The following SLC4A4 variants were observed in gnomAD, a reference collection of about 807,000 sequenced individuals.
SLC4A4 encodes electrogenic sodium bicarbonate cotransporter 1.
SLC4A4 carries 27 observed loss-of-function variants against 111.5 expected under a neutral mutation model. The ratio of observed to expected loss-of-function variants is 0.24; its 90% CI spans 0.18 to 0.33. The LOEUF (loss-of-function observed/expected upper bound fraction) is 0.33. Ranked by LOEUF, SLC4A4 falls within the 10% of genes least tolerant of loss-of-function variation. The pLI, the probability that SLC4A4 is intolerant of heterozygous loss-of-function variation, is 1.00. For missense variants in SLC4A4, 909 were observed against 1,315.5 expected, an observed-to-expected ratio of 0.69 and a Z score of 4.78; for synonymous variants, 443 against 463.4, an observed-to-expected ratio of 0.96 and a Z score of 0.57.
intron 3 of SLC4A4, among the ~76,000 whole-genome samples, chr4:71,257,590 A>G (rs1260638757): frequency 6.6e-6 from 1 of 152,196 alleles, no homozygotes; most frequent in Non-Finnish European, 1.5e-5. Context: ...ACATGATGAC[A>G]AAATTGTTGT....
At chr4:71,185,028 A>G (rs1280129449), upstream of SLC4A4, among the ~76,000 whole-genome samples, 4 of 152,176 alleles carry the variant, frequency 2.6e-5, no homozygotes, top group Non-Finnish European at 5.9e-5. Context: ...CCCACCCCAC[A>G]AACCAACTTT....
chr4:71,267,791 C>CAAAAAAAAAAAAAAAAAAAAAAAAA (rs71212002), intron 3 of SLC4A4, among the ~76,000 whole-genome samples: 2 of 62,360 alleles, frequency 3.2e-5, no homozygotes, highest in Non-Finnish European at 2.5e-5. Context: ...GAGAGTCTGC[C>CAAAAAAAAAAAAAAAAAAAAAAAAA]AAAAAAAAAA....
At chr4:71,096,157 C>T (rs977890606) in intron 2 of SLC4A4, among the ~76,000 whole-genome samples, 2 of 151,938 alleles carry the variant, frequency 1.3e-5, no homozygotes, top group East Asian at 1.9e-4. Flanking sequence ...GGAAGTATGC[C>T]TCTGGAAATG....
At position 71,331,925 on chromosome 4, in the gene SLC4A4, G is replaced by A. The variant is rs536748775; in HGVS notation, c.254-7445G>A. Among the ~76,000 whole-genome samples, 4 of 152,230 alleles carry A rather than the reference G, an allele frequency of 2.6e-5. No homozygotes were observed. The South Asian group carries it at 8.3e-4, about 32-fold the overall frequency. ...ATCTTGGTAAGTTGAATGTGTCTAA[G>A]ATTTGTCCATTTCTTCTAAGTTTCT... On this transcript the variant is annotated intron_variant, in intron 3 of 25. Transcript: ENST00000264485.
chr4:71,337,278 C>T (rs1448057856), intron 3 of SLC4A4, among the ~76,000 whole-genome samples: 1 of 152,120 alleles, frequency 6.6e-6, no homozygotes, highest in African/African-American at 2.4e-5. Context: ...ACATATCAGA[C>T]TGAGCACCGT....
chr4:71,225,750 T>C (rs1719008703), intron 1 of SLC4A4, among the ~76,000 whole-genome samples: 1 of 152,168 alleles, frequency 6.6e-6, no homozygotes. Context: ...CAGCCCTGTG[T>C]CCTGGAACAA....
intron 2 of SLC4A4, among the ~76,000 whole-genome samples, chr4:71,164,943 T>C (rs7658504): frequency 0.046 from 6,926 of 152,000 alleles, 198 homozygotes; most frequent in East Asian, 0.09. Flanking sequence ...CCAACAAATA[T>C]ATGAAAAAAA....
intron 6 of SLC4A4, among the ~76,000 whole-genome samples, chr4:71,396,937 G>C (rs965476252): frequency 2.6e-5 from 4 of 152,144 alleles, no homozygotes; most frequent in Admixed American, 2.0e-4. Context: ...ATTTTATTCT[G>C]GCAAATGGGA....
chr4:71,067,265 T>C (rs1277303128), intron 1 of SLC4A4, among the ~76,000 whole-genome samples: 1 of 152,220 alleles, frequency 6.6e-6, no homozygotes, highest in Non-Finnish European at 1.5e-5. Flanking sequence ...AAAGAGTTTT[T>C]TTTTTTAATT....
At chr4:71,094,018 T>TA (rs33919955) in intron 2 of SLC4A4, among the ~76,000 whole-genome samples, 108 of 148,764 alleles carry the variant, frequency 7.3e-4, no homozygotes, top group Non-Finnish European at 1.1e-3. Context: ...GCCAGACTGT[T>TA]AAAAAAAAAA....
At chr4:71,132,269 C>G (rs1370008906) in intron 2 of SLC4A4, among the ~76,000 whole-genome samples, 2 of 152,024 alleles carry the variant, frequency 1.3e-5, no homozygotes, top group South Asian at 4.1e-4. Flanking sequence ...GAAATGTAAG[C>G]TATTATTAAT....
intron 1 of SLC4A4, among the ~76,000 whole-genome samples, chr4:71,074,764 T>C (rs1483362091): frequency 3.9e-5 from 6 of 152,202 alleles, no homozygotes; most frequent in Admixed American, 2.0e-4. Flanking sequence ...TTTGTGCAAC[T>C]GTGTGCAAAT....
intron 15 of SLC4A4, among the ~76,000 whole-genome samples, chr4:71,488,631 T>A (rs778816113): frequency 2.0e-5 from 3 of 151,730 alleles, no homozygotes; most frequent in Non-Finnish European, 4.4e-5. Context: ...TAAATCACCT[T>A]TCTTGCTTTA....
chr4:71,567,208 T>G, intron 25 of SLC4A4, 125 bp downstream of exon 25: 1 of 784,748 alleles, frequency 1.3e-6, no homozygotes, highest in Non-Finnish European at 2.0e-6. Flanking sequence ...CTTAAATAAA[T>G]TACCCAGTGA....
intron 2 of SLC4A4, among the ~76,000 whole-genome samples, chr4:71,121,752 C>G (rs1743434632): frequency 6.6e-6 from 1 of 152,152 alleles, no homozygotes; most frequent in Admixed American, 6.5e-5. Context: ...GCAGGCTGCC[C>G]CAGCAGCACT....
chr4:71,355,530 T>C (rs1202300719), intron 5 of SLC4A4, among the ~76,000 whole-genome samples: 1 of 152,232 alleles, frequency 6.6e-6, no homozygotes, highest in Non-Finnish European at 1.5e-5. Flanking sequence ...GGAGAAACTC[T>C]TCCTGCCTTG....
At chr4:71,515,222 C>G (rs1479209183) in intron 16 of SLC4A4, among the ~76,000 whole-genome samples, 1 of 151,812 alleles carries the variant, frequency 6.6e-6, no homozygotes, top group Non-Finnish European at 1.5e-5. Flanking sequence ...ATCTTAATTT[C>G]TTTGTTGACT....
At chr4:71,092,378 A>C (rs900526251) in intron 1 of SLC4A4, among the ~76,000 whole-genome samples, 1 of 152,212 alleles carries the variant, frequency 6.6e-6, no homozygotes, top group Non-Finnish European at 1.5e-5. Flanking sequence ...ATGTTGACAG[A>C]TATTTTAAAA....
At chr4:71,391,070 A>G (rs1017080716) in intron 6 of SLC4A4, among the ~76,000 whole-genome samples, 1 of 152,226 alleles carries the variant, frequency 6.6e-6, no homozygotes, top group Non-Finnish European at 1.5e-5. Context: ...CAATGAGTCA[A>G]TGTGGGTGTA....
Sources: allele counts gnomAD v4.1 joint callset (sites outside exome capture counted in the v4.1 genomes callset), GRCh38; gene constraint gnomAD v4.1.1; transcripts MANE v1.5; gene names NCBI Gene and HGNC (gene_info 2026-07-23, HGNC 2026-07-21).